SEMA3E: variants seen among roughly 807,000 people sequenced by gnomAD.
The protein encoded by SEMA3E is semaphorin-3E.
SEMA3E carries 49 observed loss-of-function variants against 93.6 expected under a neutral mutation model. The observed-to-expected ratio is 0.52, with a 90% CI of 0.42 to 0.66. The LOEUF (loss-of-function observed/expected upper bound fraction) is 0.66, where lower values mean the gene tolerates loss of function less well. SEMA3E is among the 30% of genes least tolerant of loss of function. The pLI is 0.00. For missense variants in SEMA3E, 906 were observed against 964.8 expected, an observed-to-expected ratio of 0.94 and a Z score of 0.81; for synonymous variants, 363 against 330.7, an observed-to-expected ratio of 1.10 and a Z score of -1.06.
chr7:83,553,201 G>A (rs1484851430), intron 1 of SEMA3E, among the ~76,000 whole-genome samples: 4 of 152,208 alleles, frequency 2.6e-5, no homozygotes, highest in African/African-American at 7.2e-5. Flanking sequence ...TCGGCCAGCC[G>A]ACACTTATGG....
intron 4 of SEMA3E, among the ~76,000 whole-genome samples, chr7:83,462,357 A>G (rs1049027324): frequency 5.3e-5 from 8 of 152,094 alleles, no homozygotes; most frequent in African/African-American, 1.9e-4. Context: ...CTCTGGTGCC[A>G]ACTTAGACAA....
rs114281593 is a variant in SEMA3E at position 83,563,869 on chromosome 7, T to C, written c.116-73595A>G. On this transcript the variant is annotated intron_variant, in intron 1 of 16. Transcript: ENST00000643230. The stretch of plus-strand genomic sequence containing the variant: ...AAGCTGTTGATCCACTCCAATTTAA[T>C]ACCTGTCTGAAATGGTGCCTACAAT... Among the ~76,000 whole-genome samples, 1,387 of 152,280 alleles carry C rather than the reference T, an allele frequency of 9.1e-3. 21 individuals carry two copies. Among genetic ancestry groups the C allele is most frequent in the African/African-American group, 0.032 (1,343 of 41,562 alleles).
intron 5 of SEMA3E, among the ~76,000 whole-genome samples, chr7:83,412,991 T>C (rs984372984): frequency 6.6e-6 from 1 of 152,138 alleles, no homozygotes; most frequent in African/African-American, 2.4e-5. Flanking sequence ...TATATTGTGA[T>C]TAAAAGAGTG....
At position 83,402,699 on chromosome 7, in the gene SEMA3E, T is replaced by C. The variant is rs373965521; in HGVS notation, c.1076A>G (p.His359Arg). 193 of 1,612,974 alleles carry C rather than the reference T, an allele frequency of 1.2e-4. No individual in the cohort carries two copies. Among genetic ancestry groups the C allele is most frequent in the Non-Finnish European group, 1.6e-4 (186 of 1,179,276 alleles). ...IRAAFNGPYA[H>R]KEGPEYHWSV... ...CCAGTGGTATTCAGGTCCTTCCTTA[T>C]GTGCATATGGTCCGTTGAAGGCTGC... Residue 359 changes from histidine to arginine, a missense_variant, in exon 10 of 17, where the codon CAT becomes CGT. Coordinates refer to ENST00000643230, the MANE Select transcript of SEMA3E (RefSeq NM_012431.3).
At chr7:83,392,495 A>T (rs1026785358) in intron 14 of SEMA3E, 60 bp downstream of exon 14, 2 of 1,585,478 alleles carry the variant, frequency 1.3e-6, no homozygotes, top group African/African-American at 2.7e-5. Flanking sequence ...AAAAAAAAAA[A>T]AAAAAAGCAT....
intron 2 of SEMA3E, among the ~76,000 whole-genome samples, chr7:83,484,604 T>A (rs1790216352): frequency 6.6e-6 from 1 of 152,178 alleles, no homozygotes; most frequent in South Asian, 2.1e-4. Context: ...AATTTTGCTA[T>A]CTTCTTAAAT....
chr7:83,557,930 T>C (rs2215461), intron 1 of SEMA3E, among the ~76,000 whole-genome samples: 19,211 of 152,198 alleles, frequency 0.13, 1,313 homozygotes, highest in East Asian at 0.2. Flanking sequence ...GCTTCTCATT[T>C]GCACATATGC....
At chr7:83,553,750 A>T (rs555840525) in intron 1 of SEMA3E, among the ~76,000 whole-genome samples, 21 of 152,198 alleles carry the variant, frequency 1.4e-4, no homozygotes, top group African/African-American at 5.1e-4. Flanking sequence ...TTGTAAGTTT[A>T]TTTTCACATA....
At chr7:83,604,300 C>T (rs1409924158) in intron 1 of SEMA3E, among the ~76,000 whole-genome samples, 1 of 151,746 alleles carries the variant, frequency 6.6e-6, no homozygotes, top group Non-Finnish European at 1.5e-5. Flanking sequence ...CATTCTATGT[C>T]TATGCTCTGA....
intron 14 of SEMA3E, 109 bp downstream of exon 14, chr7:83,392,446 A>G: frequency 8.0e-7 from 1 of 1,245,438 alleles, no homozygotes; most frequent in Non-Finnish European, 1.2e-6. Flanking sequence ...CTCTGTACAC[A>G]ATAATTAATA....
intron 7 of SEMA3E, among the ~76,000 whole-genome samples, chr7:83,406,501 T>C (rs772314198): frequency 6.6e-6 from 1 of 151,912 alleles, no homozygotes; most frequent in African/African-American, 2.4e-5. Flanking sequence ...ATACTATATA[T>C]GTATATAAAT....
chr7:83,464,964 C>T (rs1026601364), intron 4 of SEMA3E, among the ~76,000 whole-genome samples: 1 of 151,696 alleles, frequency 6.6e-6, no homozygotes, highest in Non-Finnish European at 1.5e-5. Context: ...CAAGCCAAGC[C>T]ATCGCATCCC....
chr7:83,386,892 A>G, intron 15 of SEMA3E, 91 bp downstream of exon 15: 1 of 1,135,708 alleles, frequency 8.8e-7, no homozygotes, highest in Non-Finnish European at 1.3e-6. Flanking sequence ...CATGAATCAC[A>G]AAGAAAAAAA....
intron 1 of SEMA3E, among the ~76,000 whole-genome samples, chr7:83,565,793 T>G (rs1792136645): frequency 1.3e-5 from 2 of 152,100 alleles, no homozygotes; most frequent in Admixed American, 1.3e-4. Flanking sequence ...GGGTGAAAAT[T>G]TTATGACCTT....
chr7:83,573,696 C>T (rs1239352039), intron 1 of SEMA3E, among the ~76,000 whole-genome samples: 1 of 151,864 alleles, frequency 6.6e-6, no homozygotes. Flanking sequence ...GTTTCCTTGC[C>T]TTACCTTTTT....
chr7:83,461,675 G>A (rs1028973679), intron 4 of SEMA3E, among the ~76,000 whole-genome samples: 157 of 152,118 alleles, frequency 1.0e-3, no homozygotes, highest in Non-Finnish European at 1.7e-3. Context: ...TCAAAAGGCC[G>A]TCTTATTCTC....
At chr7:83,548,523 T>A (rs1412042523) in intron 1 of SEMA3E, among the ~76,000 whole-genome samples, 3 of 152,084 alleles carry the variant, frequency 2.0e-5, no homozygotes, top group Non-Finnish European at 4.4e-5. Context: ...TTTTTCCCTC[T>A]CTAGAGAGTC....
At chr7:83,463,225 C>T (rs1200886049) in intron 4 of SEMA3E, among the ~76,000 whole-genome samples, 2 of 151,730 alleles carry the variant, frequency 1.3e-5, no homozygotes, top group African/African-American at 4.8e-5. Context: ...AGAATTCTTA[C>T]ACAAGAGCCA....
At chr7:83,594,224 G>A (rs898043504) in intron 1 of SEMA3E, among the ~76,000 whole-genome samples, 1 of 152,118 alleles carries the variant, frequency 6.6e-6, no homozygotes, top group African/African-American at 2.4e-5. Flanking sequence ...AACATTCAGT[G>A]TGTAAGAAGG....
Sources: allele counts gnomAD v4.1 joint callset (sites outside exome capture counted in the v4.1 genomes callset), GRCh38; gene constraint gnomAD v4.1.1; transcripts MANE v1.5; gene names NCBI Gene and HGNC (gene_info 2026-07-23, HGNC 2026-07-21).